Variants in TRPM8 observed in about 807,000 individuals in gnomAD.
The protein encoded by TRPM8 is transient receptor potential cation channel subfamily M member 8.
In TRPM8, 110 loss-of-function variants were observed where a neutral mutation model predicts 133.7. The observed-to-expected ratio is 0.82, with a 90% CI of 0.70 to 0.96. The LOEUF (loss-of-function observed/expected upper bound fraction) is 0.96, where lower values mean the gene tolerates loss of function less well. Among genes scored for constraint, TRPM8 ranks in the 40% least tolerant of loss-of-function variants. The probability of loss-of-function intolerance (pLI) is 0.00; values close to 1 mark genes in which losing one functional copy is unlikely to be tolerated. For missense variants in TRPM8, 1,291 were observed against 1,379.5 expected, an observed-to-expected ratio of 0.94 and a Z score of 1.02; for synonymous variants, 535 against 532.3, an observed-to-expected ratio of 1.01 and a Z score of -0.07.
At chr2:234,010,646 T>C (rs28901883) in intron 24 of TRPM8, among the ~76,000 whole-genome samples, 2,632 of 152,330 alleles carry the variant, frequency 0.017, 75 homozygotes, top group African/African-American at 0.059. Flanking sequence ...CCAACACTTA[T>C]CATCTGCCTT....
chr2:233,947,301 C>T (rs1339206253), intron 8 of TRPM8, 146 bp downstream of exon 8: 2 of 1,547,730 alleles, frequency 1.3e-6, no homozygotes, highest in African/African-American at 2.7e-5. Flanking sequence ...TACTGTTCCC[C>T]TAACAGACTC....
At chr2:234,005,505 G>A (rs1326632468) in intron 22 of TRPM8, among the ~76,000 whole-genome samples, 1 of 152,106 alleles carries the variant, frequency 6.6e-6, no homozygotes, top group East Asian at 1.9e-4. Flanking sequence ...TTGAAGAAAA[G>A]ACATTGAAAC....
Position 234,014,807 on chromosome 2 carries a change from G to C in TRPM8, c.*42+153G>C, listed in dbSNP as rs1692920440. On this transcript the variant is annotated intron_variant, in intron 25 of 25. Coordinates refer to ENST00000324695, the MANE Select transcript of TRPM8 (RefSeq NM_024080.5). The stretch of plus-strand genomic sequence containing the variant: ...TGCAAAAAAAAAAAATACAGAGATA[G>C]AGAAAGAACAAGTTGAAGTTCCTCC... 7.0e-6 allele frequency: 3 copies of C among 430,252 alleles called. No individual in the cohort carries two copies. In the East Asian group the frequency reaches 1.4e-4, roughly 19 times the overall value. The allele number at this position is 430,252 out of a possible 1,614,324, so 26.7% of individuals were successfully genotyped here.
chr2:233,993,913 T>G (rs1319108219), intron 21 of TRPM8, among the ~76,000 whole-genome samples: 1 of 152,244 alleles, frequency 6.6e-6, no homozygotes, highest in Non-Finnish European at 1.5e-5. Flanking sequence ...GTTAGAGTTT[T>G]GGGAAGTCAG....
At chr2:233,952,476 G>A (rs757249555) in intron 9 of TRPM8, among the ~76,000 whole-genome samples, 1 of 151,902 alleles carries the variant, frequency 6.6e-6, no homozygotes, top group East Asian at 1.9e-4. Context: ...TGGGGTTGTG[G>A]TGGTGGTGGG....
At chr2:233,921,046 A>G (rs1691395446) in intron 1 of TRPM8, among the ~76,000 whole-genome samples, 1 of 151,944 alleles carries the variant, frequency 6.6e-6, no homozygotes, top group African/African-American at 2.4e-5. Flanking sequence ...TTTTTAATAG[A>G]GATGGGGTTT....
At chr2:233,981,037 C>A (rs567770516) in intron 18 of TRPM8, among the ~76,000 whole-genome samples, 2 of 152,238 alleles carry the variant, frequency 1.3e-5, no homozygotes, top group African/African-American at 4.8e-5. Flanking sequence ...TAGTGAGACC[C>A]TGTTTCAATT....
rs754678483 is a variant in TRPM8, at chr2:233,983,348, C to A, written c.2761+124C>A. 28 of 1,116,096 alleles carry A rather than the reference C, an allele frequency of 2.5e-5. No individual in the cohort carries two copies. In the Middle Eastern group the frequency reaches 1.2e-3, roughly 47 times the overall value. The allele number at this position is 1,116,096 out of a possible 1,614,324, so 69.1% of individuals were successfully genotyped here. On this transcript the variant is annotated intron_variant, in intron 20 of 25. Transcript: ENST00000324695. Reference sequence around the variant, plus strand: ...GCGCGTGAAACGGAGTCCAACATAACAGAGTAAAAACTCACTCCTCAAAAC... The same window carrying A: ...GCGCGTGAAACGGAGTCCAACATAAAAGAGTAAAAACTCACTCCTCAAAAC...
At chr2:234,007,562 C>T (rs1411362397) in intron 23 of TRPM8, among the ~76,000 whole-genome samples, 2 of 152,148 alleles carry the variant, frequency 1.3e-5, no homozygotes, top group Non-Finnish European at 2.9e-5. Flanking sequence ...GTCTATAGAG[C>T]GTGCTCTTAT....
At chr2:233,951,275 C>T (rs1192668269) in intron 9 of TRPM8, among the ~76,000 whole-genome samples, 2 of 152,128 alleles carry the variant, frequency 1.3e-5, no homozygotes, top group East Asian at 1.9e-4. Context: ...TATAAGCAGG[C>T]CTTTTCCAAC....
chr2:234,018,442 CTATT>C lies in TRPM8; in HGVS notation c.*1191_*1194del, dbSNP rs1033362089. The stretch of plus-strand genomic sequence containing the variant: ...TATTTATTATTAAATATTAAAATAT[CTATT>C]TATTATTAAAACCATTTATAAGGCT... On this transcript the variant is annotated 3_prime_UTR_variant, in exon 26 of 26. Coordinates refer to ENST00000324695, the MANE Select transcript of TRPM8 (RefSeq NM_024080.5). The C allele has an allele frequency of 1.3e-5, 2 of 151,276 alleles. No homozygotes were observed. Among genetic ancestry groups the C allele is most frequent in the African/African-American group, 2.4e-5 (1 of 41,220 alleles). 9.4% of individuals were successfully genotyped at this position (151,276 alleles called of 1,614,324 possible).
At chr2:233,925,345 A>G (rs1691494397) in intron 1 of TRPM8, among the ~76,000 whole-genome samples, 1 of 152,202 alleles carries the variant, frequency 6.6e-6, no homozygotes, top group African/African-American at 2.4e-5. Context: ...CATTAAACAA[A>G]TCATGATGCC....
chr2:233,925,782 A>G (rs1273996591), intron 1 of TRPM8, among the ~76,000 whole-genome samples: 1 of 152,118 alleles, frequency 6.6e-6, no homozygotes, highest in African/African-American at 2.4e-5. Flanking sequence ...GAGGTTGAGT[A>G]GGCATTGACG....
Position 233,966,725 on chromosome 2 carries a change from C to T in TRPM8, c.1995C>T (p.Asp665=). ...TGGAGCTGGCGGTGGAGGCCACAGA[C>T]CAGCATTTCATCGCCCAGCCTGGGG... ...NCLELAVEAT[D]QHFIAQPGVQ... Residue 665 remains aspartate, a synonymous_variant, in exon 15 of 26, where the codon GAC becomes GAT. Coordinates refer to ENST00000324695, the MANE Select transcript of TRPM8 (RefSeq NM_024080.5). The T allele has an allele frequency of 1.2e-6, 2 of 1,600,910 alleles. No homozygotes were observed. Among genetic ancestry groups the T allele is most frequent in the Admixed American group, 1.7e-5 (1 of 59,204 alleles).
At chr2:233,961,923 C>T (rs1691449836) in intron 12 of TRPM8, among the ~76,000 whole-genome samples, 1 of 152,236 alleles carries the variant, frequency 6.6e-6, no homozygotes, top group Non-Finnish European at 1.5e-5. Context: ...ACCACCGTGT[C>T]CGGCCTCAGG....
intron 21 of TRPM8, among the ~76,000 whole-genome samples, chr2:233,986,329 G>C (rs1164769286): frequency 6.6e-6 from 1 of 152,256 alleles, no homozygotes; most frequent in Non-Finnish European, 1.5e-5. Flanking sequence ...AGAGACTGGA[G>C]AGTGACTCTC....
chr2:234,014,589 G>T lies in TRPM8; in HGVS notation c.3292G>T (p.Glu1098Ter). ...TAATGATCTCAAGGGTCTTCTGAAAGAGATTGCTAATAAAATCAAATAAAA... is the reference window on the plus strand; with the variant it reads ...TAATGATCTCAAGGGTCTTCTGAAATAGATTGCTAATAAAATCAAATAAAA... ...KLNDLKGLLK[E>*]IANKIK Residue 1098 changes from glutamate (E) to a stop codon, truncating the protein, a stop_gained, in exon 25 of 26, where the codon GAG becomes TAG. Transcript: ENST00000324695. LOFTEE classifies it high-confidence loss of function. The T allele has an allele frequency of 6.4e-7, 1 of 1,552,316 alleles. No homozygotes were observed. The highest frequency in any genetic ancestry group is 2.1e-5 in the Admixed American group (1 of 48,630).
At chr2:233,975,318 A>G (rs545698142) in intron 17 of TRPM8, among the ~76,000 whole-genome samples, 1 of 152,124 alleles carries the variant, frequency 6.6e-6, no homozygotes. Flanking sequence ...CCATGGTAAC[A>G]CTCAGGAGAC....
chr2:234,014,779 T>C (rs1692918613), intron 25 of TRPM8, 125 bp downstream of exon 25: 1 of 376,476 alleles, frequency 2.7e-6, no homozygotes. Context: ...AAATAATGCA[T>C]TGTGCAAAAA....
Sources: allele counts gnomAD v4.1 joint callset (sites outside exome capture counted in the v4.1 genomes callset), GRCh38; gene constraint gnomAD v4.1.1; transcripts MANE v1.5; gene names NCBI Gene and HGNC (gene_info 2026-07-23, HGNC 2026-07-21).